Variants in TOX3 observed in about 807,000 individuals in gnomAD.
TOX3 encodes the protein CAG trinucleotide repeat-containing gene F9 protein.
Under a neutral mutation model 64.3 loss-of-function variants are expected in TOX3, and 22 were observed. The ratio of observed to expected loss-of-function variants is 0.34; its 90% confidence interval spans 0.24 to 0.49. The LOEUF is 0.49. Ranked by LOEUF, TOX3 falls within the 20% of genes least tolerant of loss-of-function variation. The pLI, the probability that TOX3 is intolerant of heterozygous loss-of-function variation, is 0.99. For synonymous variants in TOX3, 291 were observed against 273.6 expected (o/e 1.06, Z -0.63); for missense variants, 661 against 714.4 (o/e 0.93, Z 0.85).
intron 3 of TOX3, among the ~76,000 whole-genome samples, chr16:52,460,831 A>T (rs1228582688): frequency 6.6e-6 from 1 of 152,190 alleles, no homozygotes; most frequent in Non-Finnish European, 1.5e-5. Context: ...CTCCTGGTGC[A>T]CTGTGGGTAT....
intron 1 of TOX3, among the ~76,000 whole-genome samples, chr16:52,484,159 G>C (rs2151451272): frequency 6.6e-6 from 1 of 152,240 alleles, no homozygotes; most frequent in East Asian, 1.9e-4. Flanking sequence ...ATACCTTATG[G>C]ACTCCAATAC....
At chr16:52,442,430 T>C (rs1279996630) in intron 6 of TOX3, among the ~76,000 whole-genome samples, 1 of 152,156 alleles carries the variant, frequency 6.6e-6, no homozygotes, top group Non-Finnish European at 1.5e-5. Context: ...ACGGCCCTTA[T>C]ATTTGAGGAC....
intron 5 of TOX3, chr16:52,444,969 A>T (rs1960120369): frequency 6.6e-6 from 1 of 152,238 alleles, no homozygotes; most frequent in African/African-American, 2.4e-5. Context: ...CCAGCATATT[A>T]AACATGATTT....
At chr16:52,504,561 G>C (rs192876745) in intron 1 of TOX3, among the ~76,000 whole-genome samples, 44 of 151,800 alleles carry the variant, frequency 2.9e-4, no homozygotes, top group African/African-American at 1.1e-3. Flanking sequence ...ACATTAGTTA[G>C]AGACCACAGT....
chr16:52,530,142 A>G (rs1962819088), intron 1 of TOX3, among the ~76,000 whole-genome samples: 1 of 152,238 alleles, frequency 6.6e-6, no homozygotes, highest in Admixed American at 6.5e-5. Context: ...AGGGACTTCA[A>G]GAAGGACAAA....
At chr16:52,514,101 G>A (rs983745729) in intron 1 of TOX3, among the ~76,000 whole-genome samples, 11 of 152,144 alleles carry the variant, frequency 7.2e-5, no homozygotes, top group African/African-American at 2.4e-4. Flanking sequence ...TTTTCTTGAC[G>A]TTTTATATGC....
At chr16:52,529,072 T>C (rs1399828749) in intron 1 of TOX3, among the ~76,000 whole-genome samples, 2 of 152,212 alleles carry the variant, frequency 1.3e-5, no homozygotes, top group African/African-American at 4.8e-5. Context: ...AGTCTTCGGG[T>C]AAAATCTAGA....
At chr16:52,461,492 G>C (rs1464711548) in intron 3 of TOX3, among the ~76,000 whole-genome samples, 1 of 151,994 alleles carries the variant, frequency 6.6e-6, no homozygotes, top group Non-Finnish European at 1.5e-5. Context: ...TGTTGTGCTT[G>C]TTGCCAACAA....
At chr16:52,464,437 CTACT>C (rs1960793480) in intron 2 of TOX3, among the ~76,000 whole-genome samples, 1 of 151,974 alleles carries the variant, frequency 6.6e-6, no homozygotes, top group Non-Finnish European at 1.5e-5. Flanking sequence ...TTTTTAATGC[CTACT>C]TAATTAGCAA....
chr16:52,519,600 A>AG, intron 1 of TOX3: 1 of 1,419,734 alleles, frequency 7.0e-7, no homozygotes, highest in Non-Finnish European at 9.2e-7. Flanking sequence ...GAAAAAAAAA[A>AG]CAACATGGTT....
chr16:52,519,941 A>C (rs1488996537), intron 1 of TOX3, among the ~76,000 whole-genome samples: 1 of 150,504 alleles, frequency 6.6e-6, no homozygotes. Context: ...ACTGCACTCC[A>C]GCCTGCGTGA....
intron 2 of TOX3, among the ~76,000 whole-genome samples, chr16:52,465,647 GA>G (rs2151757281): frequency 6.6e-6 from 1 of 151,624 alleles, no homozygotes; most frequent in South Asian, 2.1e-4. Context: ...ATTAAGTGCT[GA>G]AAATCATCAT....
At chr16:52,524,614 T>C (rs544235480) in intron 1 of TOX3, among the ~76,000 whole-genome samples, 299 of 152,316 alleles carry the variant, frequency 2.0e-3, no homozygotes, top group Non-Finnish European at 3.3e-3. Context: ...GGACTCACTC[T>C]TGTTACAAGA....
intron 1 of TOX3, among the ~76,000 whole-genome samples, chr16:52,476,438 G>T (rs1398586561): frequency 6.6e-6 from 1 of 152,026 alleles, no homozygotes; most frequent in Non-Finnish European, 1.5e-5. Flanking sequence ...AATATAAGTA[G>T]AAGTGGATAC....
At chr16:52,494,798 G>C (rs1370842200) in intron 1 of TOX3, among the ~76,000 whole-genome samples, 4 of 152,202 alleles carry the variant, frequency 2.6e-5, no homozygotes, top group Admixed American at 1.3e-4. Context: ...TCACCAATCT[G>C]ATTATATGAT....
intron 1 of TOX3, among the ~76,000 whole-genome samples, chr16:52,472,140 G>A (rs1254234309): frequency 5.9e-5 from 9 of 152,142 alleles, no homozygotes; most frequent in Admixed American, 2.0e-4. Flanking sequence ...CACGATGCTC[G>A]CTATAAAGTT....
At chr16:52,536,662 T>C (rs1205088307) in intron 1 of TOX3, among the ~76,000 whole-genome samples, 1 of 127,082 alleles carries the variant, frequency 7.9e-6, no homozygotes, top group African/African-American at 3.0e-5. Flanking sequence ...TATATATATA[T>C]ATATATATAT....
intron 6 of TOX3, among the ~76,000 whole-genome samples, chr16:52,442,608 C>T (rs890135966): frequency 3.3e-5 from 5 of 152,166 alleles, no homozygotes; most frequent in African/African-American, 7.2e-5. Flanking sequence ...TCTTTAGAAG[C>T]GGTCTAATAA....
At position 52,542,018 on chromosome 16, in the gene TOX3, T is replaced by A. The variant is rs561382981; in HGVS notation, c.87+4619A>T. Among the ~76,000 whole-genome samples the A allele has an allele frequency of 3.0e-4, 46 of 152,280 alleles. 1 individual carries two copies. The South Asian group carries it at 8.5e-3, about 28-fold the overall frequency. The stretch of plus-strand genomic sequence containing the variant: ...AAATATTTACAAAATGTAAACTAAG[T>A]CAACGGATCCATATCAACTCAGATA... On this transcript the variant is annotated intron_variant, in intron 1 of 6. Coordinates refer to ENST00000219746, the MANE Select transcript of TOX3 (RefSeq NM_001080430.4).
Sources: gnomAD v4.1 joint callset for allele counts (sites outside exome capture counted in the v4.1 genomes callset) on GRCh38, gnomAD v4.1.1 for gene constraint, MANE v1.5 for transcripts, NCBI Gene and HGNC (gene_info 2026-07-23, HGNC 2026-07-21) for gene names.